CCHCR1: variants seen among roughly 807,000 people sequenced by gnomAD.
CCHCR1 encodes HCR (a-helix coiled-coil rod homologue).
Under a neutral mutation model 114.6 loss-of-function variants are expected in CCHCR1, and 91 were observed. That is an observed-to-expected ratio of 0.79 (90% CI 0.67 to 0.94). CCHCR1 has a LOEUF of 0.94. CCHCR1 is among the 40% of genes least tolerant of loss of function. The pLI is 0.00. For synonymous variants in CCHCR1, 379 were observed against 428.5 expected (o/e 0.88, Z 1.43); for missense variants, 899 against 1,079.9 (o/e 0.83, Z 2.35).
Position 31,151,737 on chromosome 6 carries a change from ATC to A in CCHCR1, c.802-617_802-616del, listed in dbSNP as rs1346363864. Among the ~76,000 whole-genome samples the A allele has an allele frequency of 2.0e-5, 3 of 152,246 alleles. No individual in the cohort carries two copies. The highest frequency in any genetic ancestry group is 7.2e-5 in the African/African-American group (3 of 41,538). On this transcript the variant is annotated intron_variant, in intron 4 of 17. Transcript: ENST00000396268. This position sits in a 1 kb window ranked among gnomAD's most constrained non-coding sequence, Gnocchi z 4.1. The stretch of plus-strand genomic sequence containing the variant: ...ATCTTGCTTATGTGTATGTGTTACT[ATC>A]TGTCGGACCACACTGGAAGGAAAGC...
Position 31,144,707 on chromosome 6 carries a change from C to G in CCHCR1, c.2147G>C (p.Arg716Pro). Residue 716 changes from arginine to proline, a missense_variant, in exon 15 of 18, where the codon CGG (arginine) becomes CCG (proline). Coordinates refer to ENST00000396268, the MANE Select transcript of CCHCR1 (RefSeq NM_001105564.2). This position sits in a 1 kb window ranked among gnomAD's most constrained non-coding sequence, Gnocchi z 4.6. ...CTCACCGGCCTTGGCATGCTCCCTC[C>G]GAGCCTCGTTCAGCCTCCTCTCTGT... ...SDTERRLNEA[R>P]REHAKAVVSL... is the part of the protein sequence containing the mutation. The G allele has an allele frequency of 6.2e-7, 1 of 1,611,086 alleles. No homozygotes were observed. Among genetic ancestry groups the G allele is most frequent in the Non-Finnish European group, 8.5e-7 (1 of 1,177,894 alleles).
chr6:31,151,182 C>G lies in CCHCR1; in HGVS notation c.802-60G>C. The G allele has an allele frequency of 6.6e-7, 1 of 1,519,240 alleles. No individual in the cohort carries two copies. The highest frequency in any genetic ancestry group is 8.9e-7 in the Non-Finnish European group (1 of 1,125,168). 94.1% of individuals were successfully genotyped at this position (1,519,240 alleles called of 1,614,324 possible). A position where few individuals can be genotyped will look rare whatever the true frequency, so the allele number is the denominator to read the frequency against. On this transcript the variant is annotated intron_variant, in intron 4 of 17. Coordinates refer to ENST00000396268, the MANE Select transcript of CCHCR1 (RefSeq NM_001105564.2). The surrounding 1 kb of genome is among the most constrained non-coding windows in gnomAD (Gnocchi z 4.1). ...ACCCCACATGGAGGCCTTCCTTGTT[C>G]CCTTCACTCCCACTTTCTGTGACCT...
Position 31,143,199 on chromosome 6 carries a change from C to G in CCHCR1, c.2319+63G>C, listed in dbSNP as rs1561789129. 1.2e-6 allele frequency: 2 copies of G among 1,610,406 alleles called. No homozygotes were observed. The highest frequency in any genetic ancestry group is 1.7e-6 in the Non-Finnish European group (2 of 1,178,666). On this transcript the variant is annotated intron_variant, in intron 16 of 17. Coordinates refer to ENST00000396268, the MANE Select transcript of CCHCR1 (RefSeq NM_001105564.2). The surrounding 1 kb of genome is among the most constrained non-coding windows in gnomAD (Gnocchi z 5.3). ...CCCTCACCATCCTCTTTCCACACCT[C>G]TAGCCCAGGAACCAGCCCAGGATGG...
Position 31,150,738 on chromosome 6 carries a change from A to G in CCHCR1, c.1088T>C (p.Leu363Pro). ...QTWELERQKL[L>P]ETMQHLQEDR... The stretch of plus-strand genomic sequence containing the variant: ...CTGCACCCTCACCTGCATGGTTTCC[A>G]GAAGCTTCTGTCGCTCCAGTTCCCA... Residue 363 changes from leucine to proline, a missense_variant, in exon 6 of 18, where the codon CTG (leucine) becomes CCG (proline). By Grantham distance (98) the Leu-to-Pro change is moderately conservative. Transcript: ENST00000396268. This position sits in a 1 kb window ranked among gnomAD's most constrained non-coding sequence, Gnocchi z 5.3. 1 of 1,612,700 alleles carries G rather than the reference A, an allele frequency of 6.2e-7. No individual in the cohort carries two copies.
Position 31,154,580 on chromosome 6 carries a change from C to T in CCHCR1, c.717G>A (p.Leu239=). 4 of 1,613,072 alleles carry T rather than the reference C, an allele frequency of 2.5e-6. No homozygotes were observed. The highest frequency in any genetic ancestry group is 3.4e-6 in the Non-Finnish European group (4 of 1,180,014). The change falls in exon 4 of 18, where the codon TTG becomes TTA. Residue 239 remains leucine, a synonymous_variant. Coordinates refer to ENST00000396268, the MANE Select transcript of CCHCR1 (RefSeq NM_001105564.2). This position sits in a 1 kb window ranked among gnomAD's most constrained non-coding sequence, Gnocchi z 4.1. ...TCTTCCGGACAACCTCAGCCCCAGC[C>T]AAAGCAGCACGCAGGCCCTCAGCCT... ...RAEAEGLRAA[L]AGAEVVRKNL...
rs766783629 is a variant in CCHCR1, at chr6:31,144,677, C to A, written c.2167+10G>T. 3 of 1,587,026 alleles carry A rather than the reference C, an allele frequency of 1.9e-6. No individual in the cohort carries two copies. The highest frequency in any genetic ancestry group is 3.4e-5 in the Admixed American group (2 of 59,266). ...TCCTGGAAGGCCCTATCCACCCTGG[C>A]AAGGCTCACCGGCCTTGGCATGCTC... On this transcript the variant is annotated intron_variant, in intron 15 of 17. Transcript: ENST00000396268. This position sits in a 1 kb window ranked among gnomAD's most constrained non-coding sequence, Gnocchi z 4.6.
At position 31,150,140 on chromosome 6, in the gene CCHCR1, C is replaced by A. The variant is rs1303286115; in HGVS notation, c.1288G>T (p.Val430Leu). 2 of 1,614,040 alleles carry A rather than the reference C, an allele frequency of 1.2e-6. No homozygotes were observed. The highest frequency in any genetic ancestry group is 1.7e-6 in the Non-Finnish European group (2 of 1,180,002). Reference sequence around the variant, plus strand: ...TTTAGCTGCACCATGAGGGCAAACACCTTCTCCCGCCAGCGGTTCAGCAGG... The same window carrying A: ...TTTAGCTGCACCATGAGGGCAAACAACTTCTCCCGCCAGCGGTTCAGCAGG... Reference protein sequence around the residue: ...QSLLNRWREKVFALMVQLKAQ... With the variant: ...QSLLNRWREKLFALMVQLKAQ... The change falls in exon 8 of 18, where the codon GTG (valine) becomes TTG (leucine). Residue 430 changes from valine to leucine, a missense_variant. Coordinates refer to ENST00000396268, the MANE Select transcript of CCHCR1 (RefSeq NM_001105564.2). The surrounding 1 kb of genome is among the most constrained non-coding windows in gnomAD (Gnocchi z 5.3).
In CCHCR1 at chr6:31,145,757, G is replaced by C. The variant is rs779343217; in HGVS notation, c.1632C>G (p.Ala544=). The C allele has an allele frequency of 1.2e-6, 2 of 1,613,184 alleles. No homozygotes were observed. Among genetic ancestry groups the C allele is most frequent in the Non-Finnish European group, 1.7e-6 (2 of 1,179,996 alleles). The stretch of plus-strand genomic sequence containing the variant: ...GTCGGTTGTTGAGGCTGGGAAGCTG[G>C]GCGGCAGCCCCTTCCACCTTAGCCA... The part of the protein sequence containing the change: ...TTMAKVEGAA[A]QLPSLNNRLS... The change falls in exon 11 of 18, where the codon GCC becomes GCG. Residue 544 remains alanine (A), a synonymous_variant. Transcript: ENST00000396268.
At chr6:31,142,904 A>T in intron 17 of CCHCR1, 59 bp downstream of exon 17, 1 of 1,559,652 alleles carries the variant, frequency 6.4e-7, no homozygotes, top group Non-Finnish European at 8.7e-7. Flanking sequence ...GAGAGTCTGA[A>T]GAGGAGATTC....
chr6:31,145,593 A>T, intron 11 of CCHCR1, 100 bp from the exon 12 acceptor site: 1 of 1,443,728 alleles, frequency 6.9e-7, no homozygotes, highest in Non-Finnish European at 9.8e-7. Context: ...TGGTGAAAGG[A>T]GGAAGGTGAA....
chr6:31,148,270 A>G, intron 10 of CCHCR1, 135 bp downstream of exon 10: 1 of 648,686 alleles, frequency 1.5e-6, no homozygotes, highest in East Asian at 2.6e-5. Flanking sequence ...ACATTGATAG[A>G]GCTAAATCTG....
chr6:31,153,216 C>T (rs1775502381), intron 4 of CCHCR1, among the ~76,000 whole-genome samples: 1 of 151,966 alleles, frequency 6.6e-6, no homozygotes, highest in Non-Finnish European at 1.5e-5. Context: ...TCAAGTGATC[C>T]GCCCACCTCG....
In CCHCR1 at chr6:31,151,317, C is replaced by T. The variant is rs2151036050; in HGVS notation, c.802-195G>A. Among the ~76,000 whole-genome samples, 1 of 152,346 alleles carries T rather than the reference C, an allele frequency of 6.6e-6. No individual in the cohort carries two copies. Among genetic ancestry groups the T allele is most frequent in the South Asian group, 2.1e-4 (1 of 4,830 alleles). The stretch of plus-strand genomic sequence containing the variant: ...TCAGGAGTTCTTGTCCGATCTCCCC[C>T]AAAACATATCTTCACCTCTCTGTCT... On this transcript the variant is annotated intron_variant, in intron 4 of 17. Coordinates refer to ENST00000396268, the MANE Select transcript of CCHCR1 (RefSeq NM_001105564.2). This position sits in a 1 kb window ranked among gnomAD's most constrained non-coding sequence, Gnocchi z 4.1.
chr6:31,143,072 A>C lies in CCHCR1; in HGVS notation c.2382T>G (p.Leu794=). Residue 794 remains leucine, a synonymous_variant, in exon 17 of 18, where the codon CTT becomes CTG. Coordinates refer to ENST00000396268, the MANE Select transcript of CCHCR1 (RefSeq NM_001105564.2). This position sits in a 1 kb window ranked among gnomAD's most constrained non-coding sequence, Gnocchi z 5.3. ...ATTTCTTCTTATCCAGTAGGGAAGG[A>C]AGAACTGTCAACAGTCGCTGCTGCT... ...RYKQQRLLTV[L]PSLLDKKKSV... is the part of the protein sequence containing the mutation. 1.2e-6 allele frequency: 2 copies of C among 1,613,026 alleles called. No individual in the cohort carries two copies. Among genetic ancestry groups the C allele is most frequent in the Non-Finnish European group, 1.7e-6 (2 of 1,180,014 alleles).
chr6:31,154,636 G>A lies in CCHCR1; in HGVS notation c.661C>T (p.Leu221=), dbSNP rs757981774. ...LEAQAMELEA[L]ARAEKAGRAE... ...CGGCCGGCCTTCTCCGCCCGTGCCA[G>A]AGCCTCTAGCTCCATGGCCTGGGCC... The change falls in exon 4 of 18, where the codon CTG becomes TTG. Residue 221 remains leucine, a synonymous_variant. Transcript: ENST00000396268. This position sits in a 1 kb window ranked among gnomAD's most constrained non-coding sequence, Gnocchi z 4.1. The A allele has an allele frequency of 6.2e-7, 1 of 1,612,756 alleles. No homozygotes were observed. The highest frequency in any genetic ancestry group is 8.5e-7 in the Non-Finnish European group (1 of 1,180,026).
intron 3 of CCHCR1, among the ~76,000 whole-genome samples, chr6:31,155,997 G>C (rs1292603256): frequency 6.6e-6 from 1 of 152,214 alleles, no homozygotes; most frequent in Non-Finnish European, 1.5e-5. Flanking sequence ...CGCTGGTCAT[G>C]AACTCCTGGG....
chr6:31,154,184 T>G lies in CCHCR1; in HGVS notation c.801+312A>C, dbSNP rs1245647209. Among the ~76,000 whole-genome samples the G allele has an allele frequency of 6.6e-6, 1 of 151,994 alleles. No individual in the cohort carries two copies. The highest frequency in any genetic ancestry group is 1.5e-5 in the Non-Finnish European group (1 of 68,014). ...CTTATACCCACCTTCCTCACTGCCCTCCACAATACCCCTGATGAATTGGTA... is the reference window on the plus strand; with the variant it reads ...CTTATACCCACCTTCCTCACTGCCCGCCACAATACCCCTGATGAATTGGTA... On this transcript the variant is annotated intron_variant, in intron 4 of 17. Coordinates refer to ENST00000396268, the MANE Select transcript of CCHCR1 (RefSeq NM_001105564.2). The surrounding 1 kb of genome is among the most constrained non-coding windows in gnomAD (Gnocchi z 4.1).
chr6:31,142,933 T>C, intron 17 of CCHCR1, 30 bp downstream of exon 17: 1 of 1,604,928 alleles, frequency 6.2e-7, no homozygotes, highest in Non-Finnish European at 8.5e-7. Flanking sequence ...CGCGCATTTG[T>C]CCCTTGTCCC....
At chr6:31,146,037 G>A (rs932427089) in intron 10 of CCHCR1, among the ~76,000 whole-genome samples, 6 of 152,184 alleles carry the variant, frequency 3.9e-5, no homozygotes, top group Admixed American at 3.3e-4. Context: ...TCACTATCGT[G>A]TATCAAAGAG....
Sources: gnomAD v4.1 joint callset for allele counts (sites outside exome capture counted in the v4.1 genomes callset) on GRCh38, gnomAD v4.1.1 for gene constraint, Gnocchi (gnomAD v3.1) non-coding constraint, MANE v1.5 for transcripts, NCBI Gene and HGNC (gene_info 2026-07-23, HGNC 2026-07-21) for gene names.